Variants in PIWIL1 observed in about 807,000 individuals in gnomAD.
PIWIL1 encodes piwi like RNA-mediated gene silencing 1.
A neutral mutation model predicts 114.4 loss-of-function variants in PIWIL1; 73 were observed. The observed-to-expected ratio is 0.64, with a 90% CI of 0.53 to 0.78. The LOEUF (loss-of-function observed/expected upper bound fraction) is 0.78, where lower values mean the gene tolerates loss of function less well. PIWIL1 is among the 30% of genes least tolerant of loss of function. The pLI, the probability that PIWIL1 is intolerant of heterozygous loss-of-function variation, is 0.00. For missense variants in PIWIL1, 723 were observed against 1,063.1 expected (o/e 0.68, Z 4.45); for synonymous variants, 375 against 369.0 (o/e 1.02, Z -0.19).
rs2072955233 is a variant in PIWIL1, at chr12:130,342,654, G to T, written c.63G>T (p.Leu21=). 1 of 1,613,196 alleles carries T rather than the reference G, an allele frequency of 6.2e-7. No homozygotes were observed. Among genetic ancestry groups the T allele is most frequent in the Non-Finnish European group, 8.5e-7 (1 of 1,179,288 alleles). The change falls in exon 2 of 21, where the codon CTG becomes CTT. Residue 21 remains leucine (L), a synonymous_variant. Transcript: ENST00000245255. ...GRARGQETAQ[L]VGSTASQQPG... ...CCCGCGGTCAGGAGACAGCGCAGCT[G>T]GTGGGCTCCACTGCCGTGAGTGCTT...
chr12:130,346,441 T>A lies in PIWIL1; in HGVS notation c.388T>A (p.Tyr130Asn). The change falls in exon 5 of 21, where the codon TAT becomes AAT. Residue 130 changes from tyrosine (Y) to asparagine (N), a missense_variant. Tyr to Asn is a moderately radical substitution (Grantham distance 143). Transcript: ENST00000245255. ...GACATCCCGTCCCCAGTGGGCCTTATATCAGTATCACATTGACTATAACCC... is the reference window on the plus strand; with the variant it reads ...GACATCCCGTCCCCAGTGGGCCTTAAATCAGTATCACATTGACTATAACCC... The part of the protein sequence containing the change: ...RLTSRPQWAL[Y>N]QYHIDYNPLM... 2 of 1,614,062 alleles carry A rather than the reference T, an allele frequency of 1.2e-6. No individual in the cohort carries two copies. The highest frequency in any genetic ancestry group is 2.7e-5 in the African/African-American group (2 of 75,078).
intron 9 of PIWIL1, chr12:130,351,728 T>C (rs746987124): frequency 6.6e-6 from 1 of 152,254 alleles, no homozygotes; most frequent in Non-Finnish European, 1.5e-5. Context: ...TCCGGTTCTG[T>C]CACTCACCTT....
the PIWIL1 span, among the ~76,000 whole-genome samples, chr12:130,413,241 G>T: frequency 6.6e-6 from 1 of 152,156 alleles, no homozygotes; most frequent in South Asian, 2.1e-4. Flanking sequence ...CAGGACCCTT[G>T]CTGAAACTGC....
At chr12:130,408,408 T>C in the PIWIL1 span, among the ~76,000 whole-genome samples, 11 of 152,176 alleles carry the variant, frequency 7.2e-5, no homozygotes, top group African/African-American at 1.7e-4. Flanking sequence ...CATCCTTCCA[T>C]TGTGGTTTAG....
chr12:130,422,184 G>T, the PIWIL1 span, among the ~76,000 whole-genome samples: 3 of 152,280 alleles, frequency 2.0e-5, no homozygotes, highest in Admixed American at 6.5e-5. The surrounding 1 kb of genome is among the most constrained non-coding windows in gnomAD (Gnocchi z 5.2). Flanking sequence ...ACACAAAGTG[G>T]TCCCCCCTTC....
chr12:130,425,081 C>A, the PIWIL1 span: 1 of 381,670 alleles, frequency 2.6e-6, no homozygotes, highest in Non-Finnish European at 4.6e-6. Flanking sequence ...GCAGAGCACA[C>A]GCAGAGCCAG....
the PIWIL1 span, among the ~76,000 whole-genome samples, chr12:130,393,301 G>C: frequency 6.8e-6 from 1 of 147,140 alleles, no homozygotes; most frequent in Non-Finnish European, 1.5e-5. Flanking sequence ...CAGTTACCTG[G>C]TGAATATTGA....
At chr12:130,367,595 T>C (rs1488772813) in intron 19 of PIWIL1, among the ~76,000 whole-genome samples, 1 of 152,202 alleles carries the variant, frequency 6.6e-6, no homozygotes, top group Non-Finnish European at 1.5e-5. Context: ...TAGTAAAAAG[T>C]GTTTAGATTT....
At position 130,361,183 on chromosome 12, in the gene PIWIL1, G is replaced by A; in HGVS notation, c.1669G>A (p.Val557Ile). The A allele has an allele frequency of 6.2e-7, 1 of 1,614,040 alleles. No homozygotes were observed. The highest frequency in any genetic ancestry group is 8.5e-7 in the Non-Finnish European group (1 of 1,179,970). ...QKVTADTQIV[V>I]CLLSSNRKDK... Reference sequence around the variant, plus strand: ...AACAAGGGCACTTTGTTTTCAGGTTGTCTGTCTGTTGTCAAGTAATCGGAA... The same window carrying A: ...AACAAGGGCACTTTGTTTTCAGGTTATCTGTCTGTTGTCAAGTAATCGGAA... Residue 557 changes from valine to isoleucine, a missense_variant, in exon 15 of 21, where the codon GTC becomes ATC. This residue lies in a region of PIWIL1 where 298 missense variants were observed against 420.8 expected (regional missense o/e 0.71). Coordinates refer to ENST00000245255, the MANE Select transcript of PIWIL1 (RefSeq NM_004764.5).
chr12:130,421,645 TCTC>T, the PIWIL1 span, among the ~76,000 whole-genome samples: 2 of 152,074 alleles, frequency 1.3e-5, no homozygotes, highest in Non-Finnish European at 1.5e-5. Context: ...CAAGACGGTT[TCTC>T]CTCATCTATT....
At chr12:130,375,916 C>T (rs539649253), downstream of PIWIL1, among the ~76,000 whole-genome samples, 9 of 152,268 alleles carry the variant, frequency 5.9e-5, no homozygotes, top group Middle Eastern at 3.4e-3. Flanking sequence ...CTGGCTTCCA[C>T]GATGCCATGC....
chr12:130,409,135 G>A, the PIWIL1 span, among the ~76,000 whole-genome samples: 7 of 152,012 alleles, frequency 4.6e-5, no homozygotes, highest in African/African-American at 9.7e-5. Context: ...TTACATACAC[G>A]AAGGCTCACT....
chr12:130,338,985 G>A (rs937534480), intron 1 of PIWIL1, among the ~76,000 whole-genome samples: 1 of 151,888 alleles, frequency 6.6e-6, no homozygotes, highest in Non-Finnish European at 1.5e-5. Context: ...GTGAGACTGC[G>A]GGGACCTGAG....
chr12:130,357,398 C>G (rs891331392), intron 13 of PIWIL1, 83 bp from the exon 14 acceptor site: 1 of 995,274 alleles, frequency 1.0e-6, no homozygotes, highest in African/African-American at 1.6e-5. Flanking sequence ...GGAAACGTTT[C>G]CTGTGTTACA....
At chr12:130,341,238 C>T (rs1342627792) in intron 1 of PIWIL1, among the ~76,000 whole-genome samples, 2 of 152,222 alleles carry the variant, frequency 1.3e-5, no homozygotes, top group Non-Finnish European at 2.9e-5. Context: ...CTTCTCTTTC[C>T]AGTCCCACTG....
In PIWIL1 at chr12:130,371,742, T is replaced by G; in HGVS notation, c.*144T>G. 2.0e-6 allele frequency: 1 copy of G among 499,552 alleles called. No homozygotes were observed. The highest frequency in any genetic ancestry group is 3.6e-6 in the Non-Finnish European group (1 of 280,066). 30.9% of individuals were successfully genotyped at this position (499,552 alleles called of 1,614,324 possible). ...GAGATCTAGCATTTTATTTCTAGCATTGCTATTCACCGGCTTCCTTATTTT... is the reference window on the plus strand; with the variant it reads ...GAGATCTAGCATTTTATTTCTAGCAGTGCTATTCACCGGCTTCCTTATTTT... On this transcript the variant is annotated 3_prime_UTR_variant, in exon 21 of 21. Coordinates refer to ENST00000245255, the MANE Select transcript of PIWIL1 (RefSeq NM_004764.5).
chr12:130,381,720 T>G, the PIWIL1 span, among the ~76,000 whole-genome samples: 2 of 152,252 alleles, frequency 1.3e-5, no homozygotes, highest in Non-Finnish European at 2.9e-5. Context: ...TTTAGTTTTG[T>G]AAGAAACTGC....
chr12:130,359,212 C>A (rs1200245372), intron 14 of PIWIL1, among the ~76,000 whole-genome samples: 5 of 152,132 alleles, frequency 3.3e-5, no homozygotes, highest in African/African-American at 9.7e-5. Flanking sequence ...CAAAATAGAG[C>A]CAGACTCATT....
the PIWIL1 span, among the ~76,000 whole-genome samples, chr12:130,402,903 GCA>G: frequency 6.6e-6 from 1 of 152,226 alleles, no homozygotes; most frequent in South Asian, 2.1e-4. Flanking sequence ...AGCAAGAACA[GCA>G]CACGCTTTAA....
Sources: allele counts gnomAD v4.1 joint callset (sites outside exome capture counted in the v4.1 genomes callset), GRCh38; gene constraint gnomAD v4.1.1; regional missense constraint gnomAD v4.1.1; non-coding constraint Gnocchi (gnomAD v3.1); transcripts MANE v1.5; gene names NCBI Gene and HGNC (gene_info 2026-07-23, HGNC 2026-07-21).